Variants in DZIP1 observed in about 807,000 individuals in gnomAD.
The protein encoded by DZIP1 is DAZ interacting zinc finger protein 1, also known as cilium assembly protein DZIP1.
In DZIP1, 97 loss-of-function variants were observed where a neutral mutation model predicts 107.6. That is an observed-to-expected ratio of 0.90 (90% CI 0.77 to 1.07). DZIP1 has a LOEUF of 1.07. Among genes scored for constraint, DZIP1 ranks in the 50% least tolerant of loss-of-function variants. The pLI is 0.00. For missense variants in DZIP1, 1,035 were observed against 1,063.6 expected (o/e 0.97, Z 0.37); for synonymous variants, 390 against 386.4 (o/e 1.01, Z -0.11).
At chr13:95,628,006 C>A (rs1876749182) in intron 7 of DZIP1, among the ~76,000 whole-genome samples, 1 of 152,012 alleles carries the variant, frequency 6.6e-6, no homozygotes, top group African/African-American at 2.4e-5. Context: ...TCAAGAACAT[C>A]ATGCTAAGTG....
intron 7 of DZIP1, among the ~76,000 whole-genome samples, chr13:95,627,108 C>T (rs757272556): frequency 6.6e-6 from 1 of 152,114 alleles, no homozygotes; most frequent in East Asian, 1.9e-4. Flanking sequence ...TATTTCAAAG[C>T]CTACTACAAA....
At chr13:95,633,784 A>G (rs1314587447) in intron 5 of DZIP1, among the ~76,000 whole-genome samples, 2 of 151,948 alleles carry the variant, frequency 1.3e-5, no homozygotes, top group Non-Finnish European at 2.9e-5. Flanking sequence ...AAGCATGACT[A>G]ATAGACGAGA....
chr13:95,622,032 CT>C (rs2139262425), intron 9 of DZIP1, among the ~76,000 whole-genome samples: 1 of 152,246 alleles, frequency 6.6e-6, no homozygotes, highest in East Asian at 1.9e-4. Context: ...CCTTCTACAC[CT>C]TTTGAAATTG....
At chr13:95,616,569 T>C (rs1230338494) in intron 10 of DZIP1, among the ~76,000 whole-genome samples, 3 of 152,098 alleles carry the variant, frequency 2.0e-5, no homozygotes. Context: ...AAGTAAACTA[T>C]TTAAAATAGT....
chr13:95,582,830 G>C (rs2044046717), intron 22 of DZIP1, among the ~76,000 whole-genome samples: 1 of 152,180 alleles, frequency 6.6e-6, no homozygotes, highest in Non-Finnish European at 1.5e-5. Flanking sequence ...TTTGACTCTA[G>C]AAATGTGTTC....
rs759885402 is a variant in DZIP1 at position 95,612,135 on chromosome 13, C to A, written c.1216G>T (p.Asp406Tyr). 1.2e-6 allele frequency: 2 copies of A among 1,613,120 alleles called. No homozygotes were observed. Among genetic ancestry groups the A allele is most frequent in the Non-Finnish European group, 1.7e-6 (2 of 1,180,002 alleles). ...IEKLRTSMID[D>Y]LNASNVFYKK... ...TAGAAAACATTGCTTGCATTTAGAT[C>A]ATCTATCATTGAGGTTCGAAGTTTC... The change falls in exon 11 of 23, where the codon GAT (aspartate) becomes TAT (tyrosine). Residue 406 changes from aspartate to tyrosine, a missense_variant. Physicochemically the swap from Asp to Tyr is radical, Grantham distance 160. Coordinates refer to ENST00000376829, the MANE Select transcript of DZIP1 (RefSeq NM_198968.4).
chr13:95,601,139 C>T (rs1273144337), intron 14 of DZIP1, among the ~76,000 whole-genome samples: 2 of 152,074 alleles, frequency 1.3e-5, no homozygotes, highest in African/African-American at 4.8e-5. Context: ...GATAAACTGC[C>T]AGGTTCTGAT....
rs1165421890 is a variant in DZIP1 at position 95,641,711 on chromosome 13, T to C, written c.181A>G (p.Arg61Gly). 1.2e-6 allele frequency: 2 copies of C among 1,601,360 alleles called. No individual in the cohort carries two copies. The highest frequency in any genetic ancestry group is 8.5e-7 in the Non-Finnish European group (1 of 1,178,816). Residue 61 changes from arginine (R) to glycine (G), a missense_variant, in exon 5 of 23, where the codon AGG becomes GGG. Transcript: ENST00000376829. The surrounding 1 kb of genome is among the most constrained non-coding windows in gnomAD (Gnocchi z 4.3). The part of the protein sequence containing the change: ...ASGPLPFFQF[R>G]PRLESVDWRR... ...CAGTCCACACTCTCCAGCCGCGGCC[T>C]GAACTGGAAGAAGGGCAGGGGCCCC...
Position 95,629,080 on chromosome 13 carries a change from A to G in DZIP1, c.810+909T>C, listed in dbSNP as rs113855461. Among the ~76,000 whole-genome samples, 710 of 152,382 alleles carry G rather than the reference A, an allele frequency of 4.7e-3. 6 individuals are homozygous for G. The highest frequency in any genetic ancestry group is 0.016 in the African/African-American group (680 of 41,588). Reference sequence around the variant, plus strand: ...ATGTGGAAGACAGAAGCCTCTGTCAATGATTCTGTGAAATGACTGCTGTTA... The same window carrying G: ...ATGTGGAAGACAGAAGCCTCTGTCAGTGATTCTGTGAAATGACTGCTGTTA... On this transcript the variant is annotated intron_variant, in intron 7 of 22. Coordinates refer to ENST00000376829, the MANE Select transcript of DZIP1 (RefSeq NM_198968.4).
chr13:95,593,049 C>A (rs1020010157), intron 16 of DZIP1, among the ~76,000 whole-genome samples: 3 of 152,184 alleles, frequency 2.0e-5, no homozygotes, highest in Non-Finnish European at 4.4e-5. Flanking sequence ...ATAGATCATA[C>A]ACACACATCC....
At chr13:95,582,827 C>T (rs1408234071) in intron 22 of DZIP1, among the ~76,000 whole-genome samples, 1 of 152,144 alleles carries the variant, frequency 6.6e-6, no homozygotes, top group African/African-American at 2.4e-5. Flanking sequence ...AAGTTTGACT[C>T]TAGAAATGTG....
At chr13:95,608,973 A>G (rs1011914432) in intron 13 of DZIP1, among the ~76,000 whole-genome samples, 6 of 152,194 alleles carry the variant, frequency 3.9e-5, no homozygotes, top group African/African-American at 1.4e-4. Context: ...CAGTTTCTCA[A>G]CTGTAAAGAT....
chr13:95,597,405 AG>A (rs2044486983), intron 15 of DZIP1, among the ~76,000 whole-genome samples: 1 of 152,244 alleles, frequency 6.6e-6, no homozygotes, highest in Admixed American at 6.5e-5. Context: ...ATATGTATGT[AG>A]GAGAGCGGAA....
At chr13:95,611,193 G>A (rs746662180) in intron 12 of DZIP1, among the ~76,000 whole-genome samples, 1 of 152,136 alleles carries the variant, frequency 6.6e-6, no homozygotes, top group African/African-American at 2.4e-5. Context: ...CAGGTATTAT[G>A]TGCCTAATAG....
At chr13:95,596,130 A>T (rs1387429567) in intron 15 of DZIP1, among the ~76,000 whole-genome samples, 1 of 152,206 alleles carries the variant, frequency 6.6e-6, no homozygotes, top group Non-Finnish European at 1.5e-5. Context: ...AAGCAAGAGA[A>T]AGAATGTAGA....
In DZIP1 at chr13:95,641,845, T is replaced by C. The variant is rs1333986913; in HGVS notation, c.47A>G (p.Lys16Arg). 12 of 1,448,760 alleles carry C rather than the reference T, an allele frequency of 8.3e-6. No homozygotes were observed. In the Admixed American group the frequency reaches 2.5e-4, roughly 30 times the overall value. 89.7% of individuals were successfully genotyped at this position (1,448,760 alleles called of 1,614,324 possible). A position where few individuals can be genotyped will look rare whatever the true frequency, so the allele number is the denominator to read the frequency against. The change falls in exon 5 of 23, where the codon AAG becomes AGG. Residue 16 changes from lysine (K) to arginine (R), a missense_variant. Physicochemically the swap from Lys to Arg is conservative, Grantham distance 26. Transcript: ENST00000376829. This position sits in a 1 kb window ranked among gnomAD's most constrained non-coding sequence, Gnocchi z 4.3. ...ADWFSSMPFQ[K>R]HVYYPLASGP... ...GCTGGCGAGCGGGTAGTAGACATGC[T>C]TCTGGAAGGGCTGCGGGGGGCACAA...
chr13:95,578,306 T>C lies in DZIP1; in HGVS notation c.*3928A>G, dbSNP rs991489931. The C allele has an allele frequency of 1.9e-5, 4 of 210,712 alleles. No homozygotes were observed. Among genetic ancestry groups the C allele is most frequent in the Non-Finnish European group, 3.8e-5 (4 of 105,472 alleles). The allele number at this position is 210,712 out of a possible 1,614,324, so 13.1% of individuals were successfully genotyped here. A position where few individuals can be genotyped will look rare whatever the true frequency, so the allele number is the denominator to read the frequency against. On this transcript the variant is annotated 3_prime_UTR_variant, in exon 23 of 23. Coordinates refer to ENST00000376829, the MANE Select transcript of DZIP1 (RefSeq NM_198968.4). ...TTTAGTACCAAAGGTTCAAGAAGTA[T>C]TCGTACTCTAGCCTTTTTAATCATT...
At chr13:95,602,232 A>G (rs1285271397) in intron 14 of DZIP1, among the ~76,000 whole-genome samples, 1 of 152,136 alleles carries the variant, frequency 6.6e-6, no homozygotes, top group African/African-American at 2.4e-5. Flanking sequence ...GCTAATTCAC[A>G]TCTAGTGCTT....
chr13:95,625,565 AAGAT>A lies in DZIP1; in HGVS notation c.811-640_811-637del, dbSNP rs1406242488. On this transcript the variant is annotated intron_variant, in intron 7 of 22. Transcript: ENST00000376829. Reference sequence around the variant, plus strand: ...CCATAAAGTGTTTCTCAGATTTAAAAAGATCAAAATCATGCAAAGATTCTTCTCT... The same window carrying A: ...CCATAAAGTGTTTCTCAGATTTAAAACAAAATCATGCAAAGATTCTTCTCT... Among the ~76,000 whole-genome samples, 15 of 152,336 alleles carry A rather than the reference AAGAT, an allele frequency of 9.8e-5. No homozygotes were observed. The East Asian group carries it at 2.1e-3, about 22-fold the overall frequency.
Sources: allele counts gnomAD v4.1 joint callset (sites outside exome capture counted in the v4.1 genomes callset), GRCh38; gene constraint gnomAD v4.1.1; non-coding constraint Gnocchi (gnomAD v3.1); transcripts MANE v1.5; gene names NCBI Gene and HGNC (gene_info 2026-07-23, HGNC 2026-07-21).